CECR2: variants seen among roughly 807,000 people sequenced by gnomAD.
The protein encoded by CECR2 is CECR2 histone acetyl-lysine reader.
CECR2 carries 30 observed loss-of-function variants against 154.5 expected under a neutral mutation model. That is an observed-to-expected ratio of 0.19 (90% CI 0.15 to 0.26). CECR2 has a LOEUF of 0.26. Ranked by LOEUF, CECR2 falls within the 10% of genes least tolerant of loss-of-function variation. CECR2 has a pLI of 1.00. For synonymous variants in CECR2, 725 were observed against 683.7 expected (o/e 1.06, Z -0.94); for missense variants, 1,743 against 1,829.3 (o/e 0.95, Z 0.86).
chr22:17,477,119 G>A, intron 1 of CECR2: 1 of 725,124 alleles, frequency 1.4e-6, no homozygotes, highest in Non-Finnish European at 2.6e-6. Context: ...AAAATACAGT[G>A]GTTCTTTAAA....
intron 2 of CECR2, among the ~76,000 whole-genome samples, chr22:17,492,168 ATTG>A (rs1206783491): frequency 6.6e-6 from 1 of 152,304 alleles, no homozygotes; most frequent in African/African-American, 2.4e-5. Context: ...TGCTTCACAA[ATTG>A]TTGTAGCAAA....
intron 1 of CECR2, among the ~76,000 whole-genome samples, chr22:17,437,507 A>C (rs187744364): frequency 4.0e-5 from 6 of 151,830 alleles, no homozygotes; most frequent in African/African-American, 1.5e-4. Flanking sequence ...ACATACGTAC[A>C]CTTCCTCGAC....
intron 1 of CECR2, among the ~76,000 whole-genome samples, chr22:17,389,299 T>C (rs538929873): frequency 1.1e-3 from 161 of 152,276 alleles, no homozygotes; most frequent in South Asian, 6.2e-3. Flanking sequence ...TATTTTATCA[T>C]AAAAGTTACA....
intron 1 of CECR2, among the ~76,000 whole-genome samples, chr22:17,390,669 G>T (rs1229948569): frequency 2.0e-5 from 3 of 152,014 alleles, no homozygotes; most frequent in Non-Finnish European, 4.4e-5. Flanking sequence ...GACAGGTCTT[G>T]GTCTGTTGCC....
Position 17,540,519 on chromosome 22 carries a change from G to A in CECR2, c.1603G>A (p.Asp535Asn), listed in dbSNP as rs2056505301. 1.2e-6 allele frequency: 2 copies of A among 1,612,046 alleles called. No individual in the cohort carries two copies. Among genetic ancestry groups the A allele is most frequent in the Non-Finnish European group, 8.5e-7 (1 of 1,178,776 alleles). ...DTDEEFWIRE[D>N]EKREKRRSRA... ...AGATGAAGAATTTTGGATTCGAGAG[G>A]ATGAAAAGCGGGAGAAAAGACGGAG... The change falls in exon 14 of 19, where the codon GAT (aspartate) becomes AAT (asparagine). Residue 535 changes from aspartate to asparagine, a missense_variant. Transcript: ENST00000262608.
At chr22:17,407,710 G>C (rs191631543) in intron 1 of CECR2, among the ~76,000 whole-genome samples, 5 of 152,166 alleles carry the variant, frequency 3.3e-5, no homozygotes, top group African/African-American at 9.7e-5. Context: ...GGTTCTCAAC[G>C]GGGTGATTTG....
intron 2 of CECR2, among the ~76,000 whole-genome samples, chr22:17,486,679 CAGTGACTTATTA>C (rs2055426621): frequency 6.6e-6 from 1 of 152,166 alleles, no homozygotes; most frequent in South Asian, 2.1e-4. Context: ...GCATACACAC[CAGTGACTTATTA>C]AGTGTAAGGC....
intron 1 of CECR2, among the ~76,000 whole-genome samples, chr22:17,371,759 G>A (rs527285474): frequency 3.9e-5 from 6 of 152,284 alleles, no homozygotes; most frequent in East Asian, 1.9e-4. Flanking sequence ...AGAGTTTAAA[G>A]ACCCATCCTA....
intron 1 of CECR2, among the ~76,000 whole-genome samples, chr22:17,421,319 A>C (rs796749078): frequency 2.6e-5 from 4 of 151,728 alleles, no homozygotes; most frequent in African/African-American, 9.7e-5. Flanking sequence ...AAATACAAAA[A>C]AATTAGCCAG....
At position 17,542,514 on chromosome 22, in the gene CECR2, A is replaced by G. The variant is rs754535050; in HGVS notation, c.2371A>G (p.Lys791Glu). Residue 791 changes from lysine (K) to glutamate (E), a missense_variant, in exon 16 of 19, where the codon AAG becomes GAG. Lys to Glu is a moderately conservative substitution (Grantham distance 56). Coordinates refer to ENST00000262608, the MANE Select transcript of CECR2 (RefSeq NM_001290047.2). ...TNQGPLGPDE[K>E]PHLGPGPSHQ... is the part of the protein sequence containing the mutation. ...CCAAGGACCCTTGGGCCCAGATGAG[A>G]AGCCCCACCTGGGGCCAGGACCCTC... 152 of 1,613,798 alleles carry G rather than the reference A, an allele frequency of 9.4e-5. No individual in the cohort carries two copies. The highest frequency in any genetic ancestry group is 1.2e-4 in the Non-Finnish European group (143 of 1,179,866).
intron 2 of CECR2, among the ~76,000 whole-genome samples, chr22:17,485,424 T>C (rs989314157): frequency 6.6e-6 from 1 of 152,176 alleles, no homozygotes; most frequent in Non-Finnish European, 1.5e-5. Context: ...CATCTAAAAA[T>C]AATGTTTTGA....
At chr22:17,398,115 C>G (rs2053839617) in intron 1 of CECR2, among the ~76,000 whole-genome samples, 1 of 151,266 alleles carries the variant, frequency 6.6e-6, no homozygotes, top group South Asian at 2.1e-4. Flanking sequence ...GGTATGTCTG[C>G]TTCTGATTAC....
chr22:17,380,947 C>G (rs2063180696), intron 1 of CECR2, among the ~76,000 whole-genome samples: 1 of 152,286 alleles, frequency 6.6e-6, no homozygotes, highest in East Asian at 1.9e-4. Context: ...ATTAACAGAT[C>G]TACTTCTTTA....
At position 17,439,451 on chromosome 22, in the gene CECR2, G is replaced by A. The variant is rs547979643; in HGVS notation, c.127-38137G>A. ...AGTATTTGCAAAGCAGATGACAGAC[G>A]GTTAATATTATAATATACAAACAGC... is the stretch of plus-strand genomic sequence containing the variant. On this transcript the variant is annotated intron_variant, in intron 1 of 18. Coordinates refer to ENST00000262608, the MANE Select transcript of CECR2 (RefSeq NM_001290047.2). Among the ~76,000 whole-genome samples, 6 of 151,968 alleles carry A rather than the reference G, an allele frequency of 3.9e-5. No individual in the cohort carries two copies. The South Asian group carries it at 6.2e-4, about 16-fold the overall frequency.
chr22:17,552,898 G>C lies in CECR2; in HGVS notation c.*58G>C. 6.5e-7 allele frequency: 1 copy of C among 1,541,484 alleles called. No homozygotes were observed. The highest frequency in any genetic ancestry group is 1.4e-5 in the African/African-American group (1 of 72,142). ...AGCTGCACACGAAGACTGGAATGTG[G>C]AGAACTGGGGAGTGCCCTGTCAGCT... On this transcript the variant is annotated 3_prime_UTR_variant, in exon 19 of 19. Coordinates refer to ENST00000262608, the MANE Select transcript of CECR2 (RefSeq NM_001290047.2).
intron 2 of CECR2, among the ~76,000 whole-genome samples, chr22:17,478,033 C>T (rs570578100): frequency 1.3e-5 from 2 of 152,116 alleles, no homozygotes; most frequent in East Asian, 3.9e-4. Flanking sequence ...GTTTTTATTA[C>T]CTTTCTGTCA....
chr22:17,539,242 G>A, intron 13 of CECR2, 123 bp downstream of exon 13: 1 of 1,142,830 alleles, frequency 8.8e-7, no homozygotes, highest in East Asian at 2.6e-5. Flanking sequence ...TGTATGAAAA[G>A]TCATGGGATT....
chr22:17,546,245 T>G (rs1379462251), intron 16 of CECR2, among the ~76,000 whole-genome samples: 1 of 152,086 alleles, frequency 6.6e-6, no homozygotes, highest in Non-Finnish European at 1.5e-5. Flanking sequence ...CCCAGCACTT[T>G]GGGAGGCCGA....
chr22:17,487,681 T>C (rs981522528), intron 2 of CECR2, among the ~76,000 whole-genome samples: 2 of 151,914 alleles, frequency 1.3e-5, no homozygotes, highest in Non-Finnish European at 2.9e-5. Context: ...TCAAAAAAAT[T>C]TTTTTCATTA....
Sources: gnomAD v4.1 joint callset for allele counts (sites outside exome capture counted in the v4.1 genomes callset) on GRCh38, gnomAD v4.1.1 for gene constraint, MANE v1.5 for transcripts, NCBI Gene and HGNC (gene_info 2026-07-23, HGNC 2026-07-21) for gene names.